The following PCBP3 variants were observed in gnomAD, a reference collection of about 807,000 sequenced individuals.
PCBP3 encodes the protein poly(rC)-binding protein 3.
Under a neutral mutation model 52.7 loss-of-function variants are expected in PCBP3, and 25 were observed. That is an observed-to-expected ratio of 0.47 (90% CI 0.35 to 0.66). The LOEUF is 0.66. PCBP3 is among the 30% of genes least tolerant of loss of function. The probability of loss-of-function intolerance (pLI) is 0.01; values close to 1 mark genes in which losing one functional copy is unlikely to be tolerated. For synonymous variants in PCBP3, 162 were observed against 183.0 expected, an observed-to-expected ratio of 0.89 and a Z score of 0.93; for missense variants, 391 against 490.3, an observed-to-expected ratio of 0.80 and a Z score of 1.91.
At chr21:45,720,103 A>G (rs2084516025) in intron 2 of PCBP3, among the ~76,000 whole-genome samples, 1 of 152,144 alleles carries the variant, frequency 6.6e-6, no homozygotes, top group Non-Finnish European at 1.5e-5. Flanking sequence ...GAGTTCTGGG[A>G]TACATGTGCA....
intron 5 of PCBP3, among the ~76,000 whole-genome samples, chr21:45,850,755 G>A (rs776412817): frequency 4.6e-5 from 7 of 152,252 alleles, no homozygotes; most frequent in Non-Finnish European, 1.0e-4. Context: ...CATACAGAGA[G>A]CATGTACAGT....
intron 4 of PCBP3, among the ~76,000 whole-genome samples, chr21:45,823,720 G>T (rs544215562): frequency 1.4e-5 from 1 of 73,564 alleles, no homozygotes; most frequent in Non-Finnish European, 2.6e-5. Flanking sequence ...GGCAAAGTAG[G>T]TGTTTTTTTT....
intron 5 of PCBP3, among the ~76,000 whole-genome samples, chr21:45,874,663 C>A (rs192759021): frequency 6.6e-6 from 1 of 152,064 alleles, no homozygotes; most frequent in African/African-American, 2.4e-5. Flanking sequence ...CTTGCCACCA[C>A]GCCCGGCTAC....
At chr21:45,716,313 A>G (rs192291684) in intron 2 of PCBP3, among the ~76,000 whole-genome samples, 4 of 152,268 alleles carry the variant, frequency 2.6e-5, no homozygotes, top group African/African-American at 4.8e-5. Context: ...TGATTTCCAT[A>G]TCTATATATG....
At chr21:45,776,049 T>G (rs2090229128) in intron 4 of PCBP3, among the ~76,000 whole-genome samples, 1 of 152,198 alleles carries the variant, frequency 6.6e-6, no homozygotes, top group Non-Finnish European at 1.5e-5. Context: ...TTCATTTGTT[T>G]CAAGGATTTT....
chr21:45,872,187 G>T (rs749125989), intron 5 of PCBP3: 5 of 152,252 alleles, frequency 3.3e-5, no homozygotes, highest in African/African-American at 7.2e-5. Flanking sequence ...ATGCAGACCC[G>T]TGTAGACCCA....
At chr21:45,896,135 G>A (rs991560872) in intron 5 of PCBP3, 73 bp from the exon 6 acceptor site, 24 of 1,418,886 alleles carry the variant, frequency 1.7e-5, no homozygotes, top group Admixed American at 1.2e-4. Context: ...GAGTGGGAGC[G>A]GCCCAGGACA....
Position 45,930,816 on chromosome 21 carries a change from A to T in PCBP3, c.827A>T (p.Glu276Val). 1 of 1,569,320 alleles carries T rather than the reference A, an allele frequency of 6.4e-7. No homozygotes were observed. The highest frequency in any genetic ancestry group is 8.8e-7 in the Non-Finnish European group (1 of 1,139,388). The change falls in exon 15 of 18, where the codon GAA becomes GTA. Residue 276 changes from glutamate to valine, a missense_variant. By Grantham distance (121) the Glu-to-Val change is moderately radical. Coordinates refer to ENST00000681687, the MANE Select transcript of PCBP3 (RefSeq NM_001384156.1). The part of the protein sequence containing the change: ...GEKLPLHSSE[E>V]AQNLMGQSSG... ...AAGCTGCCTTTACACTCCTCCGAAG[A>T]AGCTCAAAATCTGATGGGCCAGTCA...
intron 4 of PCBP3, among the ~76,000 whole-genome samples, chr21:45,825,834 T>C (rs765453365): frequency 1.9e-4 from 29 of 152,228 alleles, no homozygotes; most frequent in Non-Finnish European, 3.7e-4. Flanking sequence ...GTGGAATCTT[T>C]CACAGGGAGG....
chr21:45,776,383 G>C (rs4818798), intron 4 of PCBP3, among the ~76,000 whole-genome samples: 29,761 of 151,894 alleles, frequency 0.2, 3,121 homozygotes, highest in Middle Eastern at 0.34. Flanking sequence ...GTGAAAATCA[G>C]TCTCTGAGAG....
intron 2 of PCBP3, among the ~76,000 whole-genome samples, chr21:45,720,467 C>G (rs2084549864): frequency 6.6e-6 from 1 of 152,218 alleles, no homozygotes; most frequent in Middle Eastern, 3.4e-3. Context: ...TCCAGTCTAT[C>G]AAACCTGCAT....
At chr21:45,930,112 G>A in intron 14 of PCBP3, 117 bp downstream of exon 14, 1 of 648,006 alleles carries the variant, frequency 1.5e-6, no homozygotes, top group South Asian at 2.4e-5. Flanking sequence ...GTGAGTGCCG[G>A]TGCTGCGGCG....
chr21:45,855,358 C>T (rs559703319), intron 5 of PCBP3, among the ~76,000 whole-genome samples: 12 of 152,284 alleles, frequency 7.9e-5, no homozygotes, highest in African/African-American at 2.6e-4. Context: ...TCATCCCCAG[C>T]TTCACATACA....
intron 1 of PCBP3, among the ~76,000 whole-genome samples, chr21:45,645,678 C>G (rs1398185312): frequency 1.3e-5 from 2 of 152,218 alleles, no homozygotes; most frequent in Non-Finnish European, 2.9e-5. Context: ...GAAAAAGCCT[C>G]ACGAGCTTCT....
Position 45,827,532 on chromosome 21 carries a change from C to T in PCBP3, c.-125-22429C>T, listed in dbSNP as rs575144284. Among the ~76,000 whole-genome samples, 27 of 142,052 alleles carry T rather than the reference C, an allele frequency of 1.9e-4. No homozygotes were observed. The highest frequency in any genetic ancestry group is 6.3e-4 in the African/African-American group (24 of 38,148). 93.2% of individuals were successfully genotyped at this position (142,052 alleles called of 152,430 possible). ...TAAAGATGCTTCAGTGAGCCGTCAC[C>T]AGCTCTACACAGTGAGGAAGTGGAA... On this transcript the variant is annotated intron_variant, in intron 4 of 17. Coordinates refer to ENST00000681687, the MANE Select transcript of PCBP3 (RefSeq NM_001384156.1). The surrounding 1 kb of genome is among the most constrained non-coding windows in gnomAD (Gnocchi z 4.3).
intron 2 of PCBP3, among the ~76,000 whole-genome samples, chr21:45,685,854 C>T (rs2082119953): frequency 6.6e-6 from 1 of 151,788 alleles, no homozygotes; most frequent in African/African-American, 2.4e-5. Flanking sequence ...ACATGAGACT[C>T]CATGAGGCAA....
chr21:45,914,971 A>G (rs931118418), intron 12 of PCBP3: 3 of 152,266 alleles, frequency 2.0e-5, no homozygotes, highest in African/African-American at 7.2e-5. Flanking sequence ...TACGGTGTAA[A>G]GGAATCTTAT....
chr21:45,787,562 C>T (rs887632699), intron 4 of PCBP3, among the ~76,000 whole-genome samples: 1 of 152,164 alleles, frequency 6.6e-6, no homozygotes, highest in Admixed American at 6.5e-5. Context: ...TGGCCTCATC[C>T]GAGTTTTTTG....
At chr21:45,926,031 C>T (rs1458053121) in intron 13 of PCBP3, among the ~76,000 whole-genome samples, 4 of 152,210 alleles carry the variant, frequency 2.6e-5, no homozygotes, top group Non-Finnish European at 4.4e-5. Context: ...CACATACCAG[C>T]CCATAAAGCA....
Sources: gnomAD v4.1 joint callset for allele counts (sites outside exome capture counted in the v4.1 genomes callset) on GRCh38, gnomAD v4.1.1 for gene constraint, Gnocchi (gnomAD v3.1) non-coding constraint, MANE v1.5 for transcripts, NCBI Gene and HGNC (gene_info 2026-07-23, HGNC 2026-07-21) for gene names.